The following HPSE2 variants were observed in gnomAD, a reference collection of about 807,000 sequenced individuals.
HPSE2 encodes the protein inactive heparanase-2.
HPSE2 carries 38 observed loss-of-function variants against 60.5 expected under a neutral mutation model. That is an observed-to-expected ratio of 0.63 (90% CI 0.48 to 0.82). The LOEUF is 0.82. Among genes scored for constraint, HPSE2 ranks in the 40% least tolerant of loss-of-function variants. The pLI is 0.00. For missense variants in HPSE2, 713 were observed against 740.4 expected (o/e 0.96, Z 0.43); for synonymous variants, 295 against 293.2 (o/e 1.01, Z -0.06).
At chr10:98,859,646 G>T (rs1227365584) in intron 3 of HPSE2, among the ~76,000 whole-genome samples, 1 of 152,002 alleles carries the variant, frequency 6.6e-6, no homozygotes, top group East Asian at 1.9e-4. Context: ...CCCTTTCCAG[G>T]TTCTCAGGCC....
intron 3 of HPSE2, among the ~76,000 whole-genome samples, chr10:98,931,143 G>A (rs976211934): frequency 6.9e-6 from 1 of 143,990 alleles, no homozygotes; most frequent in African/African-American, 2.8e-5. Flanking sequence ...GTTAATTTTT[G>A]TAAAAGGTGT....
At chr10:98,970,549 A>G (rs1479627515) in intron 3 of HPSE2, among the ~76,000 whole-genome samples, 1 of 152,228 alleles carries the variant, frequency 6.6e-6, no homozygotes, top group African/African-American at 2.4e-5. Flanking sequence ...TAGAAGATTA[A>G]TGATTCAATA....
intron 6 of HPSE2, among the ~76,000 whole-genome samples, chr10:98,684,320 G>GTAA (rs1947857565): frequency 1.3e-5 from 2 of 152,086 alleles, no homozygotes; most frequent in African/African-American, 4.8e-5. Flanking sequence ...GAAACTGATG[G>GTAA]TTACCTGAGG....
At chr10:98,534,878 AC>A (rs1481016352) in intron 9 of HPSE2, among the ~76,000 whole-genome samples, 1 of 152,248 alleles carries the variant, frequency 6.6e-6, no homozygotes, top group African/African-American at 2.4e-5. Context: ...CAATAAAAGA[AC>A]TAGAGCCTTC....
At chr10:98,843,232 T>G (rs907782929) in intron 3 of HPSE2, among the ~76,000 whole-genome samples, 1 of 152,146 alleles carries the variant, frequency 6.6e-6, no homozygotes, top group Non-Finnish European at 1.5e-5. Flanking sequence ...TGTCTGTTGT[T>G]TCCCTCTATG....
intron 3 of HPSE2, among the ~76,000 whole-genome samples, chr10:98,794,003 A>G (rs1317604430): frequency 6.6e-6 from 1 of 152,182 alleles, no homozygotes; most frequent in East Asian, 1.9e-4. Context: ...AAAACTGTAA[A>G]GTTTTTTCTA....
chr10:99,278,609 G>A, the HPSE2 span, among the ~76,000 whole-genome samples: 1 of 152,076 alleles, frequency 6.6e-6, no homozygotes, highest in Admixed American at 6.5e-5. Flanking sequence ...AATAAAATGT[G>A]GGCTTCTGTT....
intron 11 of HPSE2, among the ~76,000 whole-genome samples, chr10:98,481,617 AT>A (rs1381764935): frequency 2.1e-4 from 32 of 152,360 alleles, no homozygotes; most frequent in African/African-American, 7.5e-4. Flanking sequence ...CGTGGGCTAA[AT>A]AAGTCACTCA....
chr10:98,697,740 G>T (rs754709906), intron 5 of HPSE2, among the ~76,000 whole-genome samples: 1 of 152,122 alleles, frequency 6.6e-6, no homozygotes, highest in South Asian at 2.1e-4. Flanking sequence ...AGGAAAAAAT[G>T]TTAAGGGCAG....
intron 3 of HPSE2, among the ~76,000 whole-genome samples, chr10:99,079,618 T>C (rs1196939379): frequency 6.6e-6 from 1 of 152,110 alleles, no homozygotes; most frequent in Admixed American, 6.5e-5. Flanking sequence ...GCTGCTATAA[T>C]ATGCCAGGAC....
At chr10:98,672,823 A>T (rs569223821) in intron 6 of HPSE2, among the ~76,000 whole-genome samples, 1 of 152,316 alleles carries the variant, frequency 6.6e-6, no homozygotes, top group South Asian at 2.1e-4. Context: ...AACCTTTAAA[A>T]GGTGAGTGTC....
Position 98,533,402 on chromosome 10 carries a change from AAC to A in HPSE2, c.1321-43208_1321-43207del, listed in dbSNP as rs138344797. 8.2e-3 allele frequency among the ~76,000 whole-genome samples: 1,254 copies of A among 152,330 alleles called. 14 individuals are homozygous for A. The highest frequency in any genetic ancestry group is 0.029 in the African/African-American group (1,192 of 41,562). On this transcript the variant is annotated intron_variant, in intron 9 of 11. Coordinates refer to ENST00000370552, the MANE Select transcript of HPSE2 (RefSeq NM_021828.5). Reference sequence around the variant, plus strand: ...TCCTGGCTTTCTTTTGAGTCATTGGAACACAGTGTTTATGTTTCGTAACGTTA... The same window carrying A: ...TCCTGGCTTTCTTTTGAGTCATTGGAACAGTGTTTATGTTTCGTAACGTTA...
chr10:99,205,802 G>A (rs867491599), intron 2 of HPSE2, among the ~76,000 whole-genome samples: 1 of 152,218 alleles, frequency 6.6e-6, no homozygotes, highest in Non-Finnish European at 1.5e-5. Context: ...CTATTGCTAA[G>A]TAGTAAGTTC....
the HPSE2 span, among the ~76,000 whole-genome samples, chr10:99,287,384 G>A: frequency 6.6e-6 from 1 of 152,024 alleles, no homozygotes; most frequent in East Asian, 1.9e-4. Flanking sequence ...GTCTTCACCA[G>A]GCCAACATGG....
chr10:99,058,720 A>T (rs1958168573), intron 3 of HPSE2, among the ~76,000 whole-genome samples: 1 of 152,222 alleles, frequency 6.6e-6, no homozygotes, highest in African/African-American at 2.4e-5. Flanking sequence ...ATAATGAAAG[A>T]CTTTGATTTT....
At chr10:98,916,758 T>C (rs1335982303) in intron 3 of HPSE2, among the ~76,000 whole-genome samples, 3 of 152,244 alleles carry the variant, frequency 2.0e-5, no homozygotes, top group African/African-American at 4.8e-5. Context: ...TTCTGGAAGA[T>C]AGTCAGATAA....
chr10:99,006,653 G>A (rs927912825), intron 3 of HPSE2, among the ~76,000 whole-genome samples: 2 of 152,106 alleles, frequency 1.3e-5, no homozygotes, highest in African/African-American at 4.8e-5. Flanking sequence ...GTACCAGCTT[G>A]ATGACTAGGG....
intron 3 of HPSE2, among the ~76,000 whole-genome samples, chr10:99,129,617 C>T (rs1429264667): frequency 6.6e-6 from 1 of 151,714 alleles, no homozygotes; most frequent in African/African-American, 2.4e-5. Context: ...CTCAAAACCT[C>T]CGGGATACAG....
chr10:98,926,858 T>A (rs1044974424), intron 3 of HPSE2, among the ~76,000 whole-genome samples: 1 of 152,196 alleles, frequency 6.6e-6, no homozygotes, highest in East Asian at 1.9e-4. Context: ...TACCTTCATT[T>A]CGTTATGTAC....
Sources: allele counts gnomAD v4.1 joint callset (sites outside exome capture counted in the v4.1 genomes callset), GRCh38; gene constraint gnomAD v4.1.1; transcripts MANE v1.5; gene names NCBI Gene and HGNC (gene_info 2026-07-23, HGNC 2026-07-21).